SPTAN1: variants seen among roughly 807,000 people sequenced by gnomAD.
The protein encoded by SPTAN1 is spectrin alpha, non-erythrocytic 1, also known as spectrin alpha chain, non-erythrocytic 1.
Under a neutral mutation model 331.3 loss-of-function variants are expected in SPTAN1, and 61 were observed. That is an observed-to-expected ratio of 0.18 (90% CI 0.15 to 0.23). The LOEUF is 0.23. Ranked by LOEUF, SPTAN1 falls within the 10% of genes least tolerant of loss-of-function variation. The probability of loss-of-function intolerance (pLI) is 1.00; values close to 1 mark genes in which losing one functional copy is unlikely to be tolerated. For synonymous variants in SPTAN1, 1,153 were observed against 1,173.9 expected (o/e 0.98, Z 0.36); for missense variants, 2,043 against 3,147.9 (o/e 0.65, Z 8.40).
chr9:128,567,915 C>T (rs1275536620), intron 2 of SPTAN1, among the ~76,000 whole-genome samples: 2 of 151,864 alleles, frequency 1.3e-5, no homozygotes, highest in African/African-American at 4.8e-5. Context: ...CACGCGACAC[C>T]ACGCCCAGCT....
At chr9:128,556,533 GTA>G (rs1169573301) in intron 1 of SPTAN1, among the ~76,000 whole-genome samples, 3 of 152,214 alleles carry the variant, frequency 2.0e-5, no homozygotes, top group Non-Finnish European at 4.4e-5. Flanking sequence ...TAAAAGGTAA[GTA>G]GCAGCAAGAT....
chr9:128,607,673 C>T lies in SPTAN1; in HGVS notation c.4116C>T (p.Thr1372=), dbSNP rs148554113. 4.9e-5 allele frequency: 79 copies of T among 1,613,880 alleles called. No homozygotes were observed. In the African/African-American group the frequency reaches 5.1e-4, roughly 10 times the overall value. ...VSSDELAKDV[T]GAEALLERHQ... Reference sequence around the variant, plus strand: ...CAGATGAGCTAGCCAAGGATGTCACCGGAGCTGAGGCATTGCTGGAGCGAC... The same window carrying T: ...CAGATGAGCTAGCCAAGGATGTCACTGGAGCTGAGGCATTGCTGGAGCGAC... The change falls in exon 32 of 57, where the codon ACC becomes ACT. Residue 1372 remains threonine, a synonymous_variant. Coordinates refer to ENST00000372739, the MANE Select transcript of SPTAN1 (RefSeq NM_001130438.3).
chr9:128,605,291 C>T lies in SPTAN1; in HGVS notation c.3865-5C>T, dbSNP rs1855682692. On this transcript the variant is annotated splice_region_variant and splice_polypyrimidine_tract_variant and intron_variant, in intron 30 of 56. Transcript: ENST00000372739. The stretch of plus-strand genomic sequence containing the variant: ...GCAAGCTCATTCACCACTTTCTTCC[C>T]ATAGGTAAACTCCCTTGGTGAAACA... 1 of 1,614,170 alleles carries T rather than the reference C, an allele frequency of 6.2e-7. No individual in the cohort carries two copies. The highest frequency in any genetic ancestry group is 8.5e-7 in the Non-Finnish European group (1 of 1,180,026).
intron 27 of SPTAN1, 62 bp from the exon 28 acceptor site, chr9:128,603,481 G>C: frequency 6.3e-7 from 1 of 1,588,692 alleles, no homozygotes; most frequent in Non-Finnish European, 8.6e-7. Context: ...GACACTTGCA[G>C]CTCAGATCTC....
intron 1 of SPTAN1, among the ~76,000 whole-genome samples, chr9:128,565,415 A>G (rs1441964862): frequency 6.6e-6 from 1 of 152,250 alleles, no homozygotes; most frequent in Non-Finnish European, 1.5e-5. Flanking sequence ...ACAAAAATAC[A>G]TGGTTGATAT....
chr9:128,625,059 C>T lies in SPTAN1; in HGVS notation c.5993-44C>T. ...TTGATGTTTTTCCTTTCTAATCCAT[C>T]TCCACTGAGGAGGGCAGTATATTTT... On this transcript the variant is annotated intron_variant, in intron 46 of 56. Transcript: ENST00000372739. The surrounding 1 kb of genome is among the most constrained non-coding windows in gnomAD (Gnocchi z 4.1). 3 of 1,570,526 alleles carry T rather than the reference C, an allele frequency of 1.9e-6. No homozygotes were observed. Among genetic ancestry groups the T allele is most frequent in the Non-Finnish European group, 2.6e-6 (3 of 1,140,380 alleles).
In SPTAN1 at chr9:128,629,258, T is replaced by C. The variant is rs1859282020; in HGVS notation, c.6708-1063T>C. 1.5e-5 allele frequency: 6 copies of C among 398,036 alleles called. No individual in the cohort carries two copies. Among genetic ancestry groups the C allele is most frequent in the Non-Finnish European group, 2.7e-5 (6 of 225,876 alleles). 24.7% of individuals were successfully genotyped at this position (398,036 alleles called of 1,614,324 possible). On this transcript the variant is annotated intron_variant, in intron 51 of 56. Coordinates refer to ENST00000372739, the MANE Select transcript of SPTAN1 (RefSeq NM_001130438.3). This position sits in a 1 kb window ranked among gnomAD's most constrained non-coding sequence, Gnocchi z 4.9. ...TGCACTCTTGACATCCCCAGGCGGCTCCACCCTGACTAACCTGCCGCCCTC... is the reference window on the plus strand; with the variant it reads ...TGCACTCTTGACATCCCCAGGCGGCCCCACCCTGACTAACCTGCCGCCCTC...
chr9:128,633,316 C>T lies in SPTAN1; in HGVS notation c.7416C>T (p.Arg2472=). The change falls in exon 57 of 57, where the codon CGC becomes CGT. Residue 2472 remains arginine (R), a synonymous_variant. Coordinates refer to ENST00000372739, the MANE Select transcript of SPTAN1 (RefSeq NM_001130438.3). ...CGTTCGACTACGTGGAGTTCACCCG[C>T]TCGCTTTTCGTGAACTGAGCCACTC... The part of the protein sequence containing the change: ...PTAFDYVEFT[R]SLFVN 2 of 1,613,984 alleles carry T rather than the reference C, an allele frequency of 1.2e-6. No homozygotes were observed. The highest frequency in any genetic ancestry group is 1.7e-6 in the Non-Finnish European group (2 of 1,180,046).
At chr9:128,582,919 G>A in intron 14 of SPTAN1, 70 bp downstream of exon 14, 5 of 1,603,970 alleles carry the variant, frequency 3.1e-6, no homozygotes, top group South Asian at 1.1e-5. Context: ...CAAATAAATT[G>A]TAGCTAAAGG....
At chr9:128,595,619 TCA>T (rs1854169626) in intron 24 of SPTAN1, among the ~76,000 whole-genome samples, 1 of 152,144 alleles carries the variant, frequency 6.6e-6, no homozygotes, top group Non-Finnish European at 1.5e-5. Flanking sequence ...TTTAGTACAT[TCA>T]CAGTGTTGTG....
intron 26 of SPTAN1, chr9:128,599,835 C>T: frequency 1.8e-6 from 1 of 555,492 alleles, no homozygotes; most frequent in Non-Finnish European, 3.2e-6. Context: ...TTTCTTTATT[C>T]TCTCCATTTC....
intron 48 of SPTAN1, 62 bp downstream of exon 48, chr9:128,626,040 T>G: frequency 6.3e-7 from 1 of 1,590,884 alleles, no homozygotes; most frequent in Non-Finnish European, 8.6e-7. Context: ...GCCCACCTTC[T>G]GTCTGCCCAG....
At chr9:128,613,823 G>A (rs940012988) in intron 40 of SPTAN1, among the ~76,000 whole-genome samples, 14 of 151,718 alleles carry the variant, frequency 9.2e-5, no homozygotes, top group Non-Finnish European at 1.8e-4. Context: ...GGCCAACGTG[G>A]TGAGACCTCC....
intron 12 of SPTAN1, among the ~76,000 whole-genome samples, chr9:128,582,165 C>T (rs1395217997): frequency 6.6e-6 from 1 of 152,170 alleles, no homozygotes; most frequent in Non-Finnish European, 1.5e-5. Flanking sequence ...GTACTCTTCC[C>T]ATTGAAAATA....
At chr9:128,555,194 C>T (rs912882107) in intron 1 of SPTAN1, among the ~76,000 whole-genome samples, 4 of 152,056 alleles carry the variant, frequency 2.6e-5, no homozygotes, top group South Asian at 4.1e-4. Context: ...GGGATTTAGA[C>T]GCTATACAGA....
chr9:128,631,661 A>G (rs1859750323), intron 52 of SPTAN1: 1 of 185,880 alleles, frequency 5.4e-6, no homozygotes, highest in East Asian at 1.5e-4. Context: ...CATCGCCTCT[A>G]CTAAAAATAC....
intron 24 of SPTAN1, among the ~76,000 whole-genome samples, chr9:128,597,210 T>C (rs1413207290): frequency 1.3e-5 from 2 of 152,134 alleles, no homozygotes; most frequent in Non-Finnish European, 1.5e-5. Flanking sequence ...GGGGTCTGGT[T>C]ATGTTGCCCT....
rs1382783353 is a variant in SPTAN1 at position 128,617,764 on chromosome 9, A to G, written c.5478+4A>G. The G allele has an allele frequency of 1.2e-6, 2 of 1,613,910 alleles. No individual in the cohort carries two copies. The highest frequency in any genetic ancestry group is 1.7e-6 in the Non-Finnish European group (2 of 1,179,978). On this transcript the variant is annotated splice_donor_region_variant and intron_variant, in intron 42 of 56. Transcript: ENST00000372739. ...TGCGCATGAGCCGGCTATTCAGGTA[A>G]GGAGGCCGCCTTCTGGCCAAGAGGG...
chr9:128,606,225 G>A (rs928905717), intron 31 of SPTAN1, among the ~76,000 whole-genome samples: 1 of 148,720 alleles, frequency 6.7e-6, no homozygotes, highest in Admixed American at 6.7e-5. Context: ...CAAACCAGCC[G>A]GGCGTGGTGG....
Sources: gnomAD v4.1 joint callset for allele counts (sites outside exome capture counted in the v4.1 genomes callset) on GRCh38, gnomAD v4.1.1 for gene constraint, Gnocchi (gnomAD v3.1) non-coding constraint, MANE v1.5 for transcripts, NCBI Gene and HGNC (gene_info 2026-07-23, HGNC 2026-07-21) for gene names.